PTOV1: variants seen among roughly 807,000 people sequenced by gnomAD.
PTOV1 encodes the protein PTOV1 extended AT-hook containing adaptor protein.
A neutral mutation model predicts 58.0 loss-of-function variants in PTOV1; 20 were observed. The observed-to-expected ratio is 0.34, with a 90% confidence interval of 0.24 to 0.50. The LOEUF is 0.50. Among genes scored for constraint, PTOV1 ranks in the 20% least tolerant of loss-of-function variants. The pLI is 0.98. For synonymous variants in PTOV1, 335 were observed against 234.2 expected, an observed-to-expected ratio of 1.43 and a Z score of -3.93; for missense variants, 593 against 565.4, an observed-to-expected ratio of 1.05 and a Z score of -0.50.
intron 6 of PTOV1, 51 bp downstream of exon 6, chr19:49,857,181 A>T: frequency 6.2e-7 from 1 of 1,604,304 alleles, no homozygotes; most frequent in Non-Finnish European, 8.5e-7. Context: ...ATTAGACCCC[A>T]CTGCCCTGGT....
At chr19:49,858,392 A>T in intron 9 of PTOV1, 157 bp from the exon 10 acceptor site, 1 of 703,784 alleles carries the variant, frequency 1.4e-6, no homozygotes, top group Non-Finnish European at 2.4e-6. Context: ...ACAGCACTCC[A>T]GGGTTGGGCT....
At chr19:49,857,651 A>G (rs746055160) in intron 6 of PTOV1, 42 bp from the exon 7 acceptor site, 3 of 1,577,070 alleles carry the variant, frequency 1.9e-6, no homozygotes, top group East Asian at 4.5e-5. Context: ...CAGGTTTCCC[A>G]GGAGCCTGGG....
exon 5 of PTOV1, chr19:49,854,990 C>A (rs148721391): frequency 1.3e-6 from 2 of 1,597,078 alleles, no homozygotes; most frequent in Non-Finnish European, 1.7e-6. Flanking sequence ...GCCCCCTGTT[C>A]CGGAACTCCC....
intron 1 of PTOV1, 147 bp downstream of exon 1, chr19:49,851,646 C>T (rs900947999): frequency 2.9e-6 from 3 of 1,034,684 alleles, no homozygotes; most frequent in East Asian, 5.0e-5. Context: ...CGGGTTCCCC[C>T]GTGGAGCACC....
Position 49,857,445 on chromosome 19 carries a change from T to G in PTOV1, c.715-248T>G, listed in dbSNP as rs944019535. On this transcript the variant is annotated intron_variant, in intron 6 of 11. Coordinates refer to ENST00000391842, the Ensembl canonical transcript of PTOV1. Reference sequence around the variant, plus strand: ...GGTAACCACGTGTCCTGGTCATGCCTTGCCAGTTGAGGCAGACTCTGCAGG... The same window carrying G: ...GGTAACCACGTGTCCTGGTCATGCCGTGCCAGTTGAGGCAGACTCTGCAGG... 6 of 607,428 alleles carry G rather than the reference T, an allele frequency of 9.9e-6. No individual in the cohort carries two copies. The African/African-American group carries it at 1.1e-4, about 11-fold the overall frequency. The allele number at this position is 607,428 out of a possible 1,614,324, so 37.6% of individuals were successfully genotyped here.
At chr19:49,857,816 C>G (rs1425545142) in intron 7 of PTOV1, 34 bp downstream of exon 7, 4 of 1,613,096 alleles carry the variant, frequency 2.5e-6, no homozygotes, top group African/African-American at 1.3e-5. Flanking sequence ...CTTGGGACCC[C>G]CAGATCCTCA....
intron 1 of PTOV1, chr19:49,851,797 C>G (rs573911538): frequency 2.7e-5 from 28 of 1,034,298 alleles, no homozygotes; most frequent in Admixed American, 5.7e-5. Context: ...AGACAGGCAG[C>G]CGGCACGCTC....
chr19:49,858,610 T>C lies in PTOV1; in HGVS notation c.998T>C (p.Leu333Pro), dbSNP rs1175505476. ...GTCCAGTTCCACTTCACCAAGGACC[T>C]GGAGACACTGAAGAGCCTGTGCCGG... Residue 333 changes from leucine (L) to proline (P), a missense_variant, in exon 10 of 12, where the codon CTG becomes CCG. Coordinates refer to ENST00000391842, the Ensembl canonical transcript of PTOV1. The C allele has an allele frequency of 1.2e-5, 19 of 1,605,706 alleles. No homozygotes were observed. Among genetic ancestry groups the C allele is most frequent in the Non-Finnish European group, 1.6e-5 (19 of 1,175,866 alleles).
chr19:49,859,933 G>A, intron 10 of PTOV1, 53 bp from the exon 11 acceptor site: 1 of 1,588,118 alleles, frequency 6.3e-7, no homozygotes, highest in South Asian at 1.1e-5. Flanking sequence ...GTGGTTGGAG[G>A]GATGCTGGTC....
intron 10 of PTOV1, 124 bp from the exon 11 acceptor site, chr19:49,859,862 G>T: frequency 9.6e-7 from 1 of 1,043,208 alleles, no homozygotes; most frequent in South Asian, 1.4e-5. Context: ...AGGGTGGGTG[G>T]GGGGTGTGAG....
chr19:49,858,259 C>G (rs2074570296), intron 9 of PTOV1, 145 bp downstream of exon 9: 2 of 1,099,706 alleles, frequency 1.8e-6, no homozygotes, highest in Non-Finnish European at 2.6e-6. Context: ...TGGTGGGTAG[C>G]TCCTCAGGCT....
At chr19:49,858,714 T>TCTG in intron 10 of PTOV1, 61 bp downstream of exon 10, 5 of 1,382,530 alleles carry the variant, frequency 3.6e-6, no homozygotes, top group Non-Finnish European at 5.0e-6. Flanking sequence ...CCCGGACCGC[T>TCTG]CACGGGGGCG....
upstream of PTOV1, chr19:49,851,067 G>T (rs1007191079): frequency 1.4e-6 from 2 of 1,472,780 alleles, no homozygotes; most frequent in African/African-American, 2.9e-5. Flanking sequence ...CTCCGCTCCC[G>T]CCCGGGCCCC....
chr19:49,851,276 C>T (rs2074232728), exon 1 of PTOV1: 30 of 1,085,686 alleles, frequency 2.8e-5, no homozygotes, highest in Non-Finnish European at 3.2e-5. Context: ...GTGGAGCCCG[C>T]AGCCCCCCTT....
chr19:49,860,029 G>C (rs764330906), exon 11 of PTOV1: 1 of 1,614,218 alleles, frequency 6.2e-7, no homozygotes, highest in East Asian at 2.2e-5. Flanking sequence ...TGTGAGATCC[G>C]CGTGCTTATG....
At chr19:49,851,421 C>T (rs1473216559) in exon 1 of PTOV1, 33 of 1,209,290 alleles carry the variant, frequency 2.7e-5, no homozygotes, top group African/African-American at 4.7e-5. Context: ...TGGTGCGCGC[C>T]GTCCGCTCGC....
chr19:49,854,894 A>ACCCCCCCCCCCCCCCCCCCC lies in PTOV1; in HGVS notation c.450+9_450+10insCCCCCCCCCCCCCCCCCCCC. On this transcript the variant is annotated splice_region_variant and intron_variant, in intron 4 of 11. Transcript: ENST00000391842. ...TGATCCCTCAGCAGCTGCTGGTGAGACCCGCCCCTCCCACCCCATCCACTC... is the reference window on the plus strand; with the variant it reads ...TGATCCCTCAGCAGCTGCTGGTGAGACCCCCCCCCCCCCCCCCCCCCCCGCCCCTCCCACCCCATCCACTC... 3 of 1,559,990 alleles carry ACCCCCCCCCCCCCCCCCCCC rather than the reference A, an allele frequency of 1.9e-6. No individual in the cohort carries two copies. Among genetic ancestry groups the ACCCCCCCCCCCCCCCCCCCC allele is most frequent in the South Asian group, 1.1e-5 (1 of 89,192 alleles).
chr19:49,860,389 G>GTGGGGT (rs2122296477), exon 12 of PTOV1: 1 of 1,203,046 alleles, frequency 8.3e-7, no homozygotes, highest in East Asian at 2.7e-5. Flanking sequence ...TGTGGGGGGG[G>GTGGGGT]TGGGGTTGGG....
At chr19:49,851,073 G>T, upstream of PTOV1, 2 of 1,466,612 alleles carry the variant, frequency 1.4e-6, no homozygotes, top group South Asian at 2.6e-5. Flanking sequence ...TCCCGCCCGG[G>T]CCCCGCTCCC....
Sources: allele counts gnomAD v4.1 joint callset, GRCh38; gene constraint gnomAD v4.1.1; transcripts MANE v1.5; gene names NCBI Gene and HGNC (gene_info 2026-07-23, HGNC 2026-07-21).